The following RABGAP1L variants were observed in gnomAD, a reference collection of about 807,000 sequenced individuals.
RABGAP1L encodes rab GTPase-activating protein 1-like.
Under a neutral mutation model 137.7 loss-of-function variants are expected in RABGAP1L, and 63 were observed. The observed-to-expected ratio is 0.46, with a 90% CI of 0.37 to 0.56. The LOEUF (loss-of-function observed/expected upper bound fraction) is 0.56. RABGAP1L is among the 20% of genes least tolerant of loss of function. The probability of loss-of-function intolerance (pLI) is 0.00; values close to 1 mark genes in which losing one functional copy is unlikely to be tolerated. For synonymous variants in RABGAP1L, 431 were observed against 433.7 expected (o/e 0.99, Z 0.08); for missense variants, 1,095 against 1,244.0 (o/e 0.88, Z 1.80).
At chr1:174,599,429 G>A (rs896179225) in intron 13 of RABGAP1L, among the ~76,000 whole-genome samples, 1 of 152,188 alleles carries the variant, frequency 6.6e-6, no homozygotes, top group Non-Finnish European at 1.5e-5. Context: ...CCTATTAGCA[G>A]TGAGTTTTGG....
In RABGAP1L at chr1:174,801,162, A is replaced by G. The variant is rs74126882; in HGVS notation, c.2212-10670A>G. 7.4e-4 allele frequency among the ~76,000 whole-genome samples: 112 copies of G among 152,294 alleles called. 1 individual carries two copies. The highest frequency in any genetic ancestry group is 2.7e-3 in the African/African-American group (111 of 41,558). On this transcript the variant is annotated intron_variant, in intron 18 of 25. Transcript: ENST00000681986. ...TTCCTACCAAGGGTTAAAATTAAATACCCACAATCGCTGTTGCAGGCTTGA... is the reference window on the plus strand; with the variant it reads ...TTCCTACCAAGGGTTAAAATTAAATGCCCACAATCGCTGTTGCAGGCTTGA...
chr1:174,180,062 G>C (rs1403992477), intron 1 of RABGAP1L, among the ~76,000 whole-genome samples: 2 of 152,154 alleles, frequency 1.3e-5, no homozygotes, highest in African/African-American at 4.8e-5. Flanking sequence ...TTCCTAAAAG[G>C]AATAAAGAAT....
In RABGAP1L at chr1:174,894,140, A is replaced by T. The variant is rs1453460330; in HGVS notation, c.2341-63317A>T. ...CAAGGCAGTGTTAAAACTACACAAT[A>T]CCTGATAAATGCTAGAATGAGGATA... is the stretch of plus-strand genomic sequence containing the variant. On this transcript the variant is annotated intron_variant, in intron 19 of 25. Transcript: ENST00000681986. 3.3e-5 allele frequency among the ~76,000 whole-genome samples: 5 copies of T among 152,182 alleles called. No homozygotes were observed. The South Asian group carries it at 1.0e-3, about 32-fold the overall frequency.
chr1:174,511,841 A>T (rs1662376496), intron 13 of RABGAP1L, among the ~76,000 whole-genome samples: 1 of 151,694 alleles, frequency 6.6e-6, no homozygotes, highest in Non-Finnish European at 1.5e-5. Context: ...CTGGTCACGA[A>T]CTCCTGACCT....
chr1:174,759,608 AGAAAAAAAAT>A (rs1303686727), intron 18 of RABGAP1L, among the ~76,000 whole-genome samples: 2 of 151,888 alleles, frequency 1.3e-5, no homozygotes, highest in Non-Finnish European at 2.9e-5. Context: ...AAAAAAAAAA[AGAAAAAAAAT>A]GGTTTTATTT....
intron 4 of RABGAP1L, among the ~76,000 whole-genome samples, chr1:174,232,527 T>A (rs1308259046): frequency 6.7e-6 from 1 of 149,576 alleles, no homozygotes; most frequent in Non-Finnish European, 1.5e-5. Context: ...CTCAAGCCTG[T>A]AATCCCAGCA....
chr1:174,804,415 C>T (rs969811773), intron 18 of RABGAP1L, among the ~76,000 whole-genome samples: 2 of 151,812 alleles, frequency 1.3e-5, no homozygotes, highest in African/African-American at 2.4e-5. Context: ...GGACTACAGG[C>T]GCCCACCACC....
intron 13 of RABGAP1L, among the ~76,000 whole-genome samples, chr1:174,598,097 G>A (rs1481191656): frequency 2.0e-5 from 3 of 152,042 alleles, no homozygotes; most frequent in East Asian, 1.9e-4. Flanking sequence ...TTGAGAGGCC[G>A]ATGGGGGCAG....
Position 174,426,727 on chromosome 1 carries a change from T to C in RABGAP1L, c.1710+32582T>C, listed in dbSNP as rs1652005406. Among the ~76,000 whole-genome samples the C allele has an allele frequency of 2.0e-5, 3 of 152,152 alleles. No individual in the cohort carries two copies. In the South Asian group the frequency reaches 6.2e-4, roughly 31 times the overall value. On this transcript the variant is annotated intron_variant, in intron 13 of 25. Coordinates refer to ENST00000681986, the MANE Select transcript of RABGAP1L (RefSeq NM_001366446.1). ...TGTTCTGATTTTTAAATACCCAATT[T>C]ACCATCTTATTAGTACATTTAGATC...
intron 19 of RABGAP1L, among the ~76,000 whole-genome samples, chr1:174,892,079 G>T (rs1051355887): frequency 6.6e-6 from 1 of 152,226 alleles, no homozygotes. Context: ...GCGGTAGCTG[G>T]AGCCTCTGCG....
rs1666210301 is a variant in RABGAP1L, at chr1:174,548,646, T to G, written c.1711-88729T>G. The stretch of plus-strand genomic sequence containing the variant: ...CCACCCATCTTCCAATATTTCAGTA[T>G]TTGGCTAGGTTCCCCTCATTTTGCT... On this transcript the variant is annotated intron_variant, in intron 13 of 25. Coordinates refer to ENST00000681986, the MANE Select transcript of RABGAP1L (RefSeq NM_001366446.1). 4 of 823,604 alleles carry G rather than the reference T, an allele frequency of 4.9e-6. No individual in the cohort carries two copies. In the South Asian group the frequency reaches 1.7e-4, roughly 34 times the overall value. 51.0% of individuals were successfully genotyped at this position (823,604 alleles called of 1,614,324 possible).
intron 11 of RABGAP1L, among the ~76,000 whole-genome samples, chr1:174,324,794 A>G (rs1046178763): frequency 1.3e-5 from 2 of 152,192 alleles, no homozygotes; most frequent in African/African-American, 4.8e-5. Flanking sequence ...TCAAAGAAGA[A>G]GTGATATTCG....
intron 19 of RABGAP1L, among the ~76,000 whole-genome samples, chr1:174,816,311 C>T (rs1046001802): frequency 6.6e-6 from 1 of 151,912 alleles, no homozygotes; most frequent in Non-Finnish European, 1.5e-5. Flanking sequence ...CACCACCACG[C>T]CCAGATAATG....
chr1:174,614,805 C>T (rs1671639407), intron 13 of RABGAP1L, among the ~76,000 whole-genome samples: 1 of 152,126 alleles, frequency 6.6e-6, no homozygotes, highest in African/African-American at 2.4e-5. Flanking sequence ...CTAAACTTCC[C>T]TTCTTGCTTC....
intron 12 of RABGAP1L, among the ~76,000 whole-genome samples, chr1:174,386,311 C>G (rs1467849080): frequency 6.6e-6 from 1 of 152,114 alleles, no homozygotes; most frequent in Non-Finnish European, 1.5e-5. Flanking sequence ...TGAGGCATAG[C>G]TATATTAGGT....
Position 174,978,864 on chromosome 1 carries a change from A to G in RABGAP1L, c.2707A>G (p.Thr903Ala). Residue 903 changes from threonine to alanine, a missense_variant, in exon 23 of 26, where the codon ACA becomes GCA. Physicochemically the swap from Thr to Ala is moderately conservative, Grantham distance 58. Transcript: ENST00000681986. ...EKAEYEIKKT[T>A]AIIAEYKQIC... is the part of the protein sequence containing the mutation. ...GGCAGAATATGAAATAAAGAAGACT[A>G]CAGCTATCATTGCTGAGTATAAACA... 1 of 1,545,676 alleles carries G rather than the reference A, an allele frequency of 6.5e-7. No homozygotes were observed. Among genetic ancestry groups the G allele is most frequent in the Non-Finnish European group, 8.7e-7 (1 of 1,145,356 alleles).
intron 13 of RABGAP1L, among the ~76,000 whole-genome samples, chr1:174,437,540 A>G (rs928886376): frequency 1.2e-4 from 19 of 152,180 alleles, no homozygotes; most frequent in South Asian, 1.2e-3. Flanking sequence ...AAAGAAATGA[A>G]CAAAGCCTCC....
chr1:174,162,160 A>G (rs1664522216), intron 1 of RABGAP1L, among the ~76,000 whole-genome samples: 1 of 151,362 alleles, frequency 6.6e-6, no homozygotes. Context: ...TTACGCTGGT[A>G]GTTATGATTT....
At chr1:174,705,803 A>G (rs1679999392) in intron 17 of RABGAP1L, 1 of 152,130 alleles carries the variant, frequency 6.6e-6, no homozygotes, top group South Asian at 2.1e-4. Flanking sequence ...TAAAATATTT[A>G]TATCAAAAGC....
Sources: allele counts gnomAD v4.1 joint callset (sites outside exome capture counted in the v4.1 genomes callset), GRCh38; gene constraint gnomAD v4.1.1; transcripts MANE v1.5; gene names NCBI Gene and HGNC (gene_info 2026-07-23, HGNC 2026-07-21).